PTPRD: variants seen among roughly 807,000 people sequenced by gnomAD.
PTPRD encodes protein tyrosine phosphatase receptor type D, also known as receptor-type tyrosine-protein phosphatase delta.
Under a neutral mutation model 214.5 loss-of-function variants are expected in PTPRD, and 34 were observed. The observed-to-expected ratio is 0.16, with a 90% CI of 0.12 to 0.21. The LOEUF is 0.21. Among genes scored for constraint, PTPRD ranks in the 10% least tolerant of loss-of-function variants. The pLI, the probability that PTPRD is intolerant of heterozygous loss-of-function variation, is 1.00. For synonymous variants in PTPRD, 1,128 were observed against 845.7 expected, an observed-to-expected ratio of 1.33 and a Z score of -5.79; for missense variants, 2,545 against 2,398.7, an observed-to-expected ratio of 1.06 and a Z score of -1.27.
chr9:8,634,700 T>C (rs2096372790), intron 13 of PTPRD, among the ~76,000 whole-genome samples: 1 of 152,068 alleles, frequency 6.6e-6, no homozygotes, highest in African/African-American at 2.4e-5. Flanking sequence ...AAGCATTCCA[T>C]AATTTTAAAA....
chr9:8,523,582 A>G, intron 18 of PTPRD, 58 bp from the exon 19 acceptor site: 1 of 1,598,980 alleles, frequency 6.3e-7, no homozygotes, highest in Non-Finnish European at 8.6e-7. Flanking sequence ...GGAGAAAAAC[A>G]AGGGAAACAC....
chr9:9,377,711 C>T (rs961388025), intron 9 of PTPRD, among the ~76,000 whole-genome samples: 2 of 151,846 alleles, frequency 1.3e-5, no homozygotes, highest in Admixed American at 6.6e-5. Flanking sequence ...CCCAGTTAAG[C>T]GGAAAAATGT....
intron 9 of PTPRD, among the ~76,000 whole-genome samples, chr9:9,188,175 T>G (rs555339318): frequency 1.4e-4 from 21 of 152,226 alleles, no homozygotes; most frequent in African/African-American, 5.1e-4. Flanking sequence ...GTTATTTTTG[T>G]GTCTGCCTTC....
At position 9,440,332 on chromosome 9, in the gene PTPRD, G is replaced by A. The variant is rs552488566; in HGVS notation, c.-236-42850C>T. 9.2e-5 allele frequency among the ~76,000 whole-genome samples: 14 copies of A among 151,998 alleles called. No individual in the cohort carries two copies. In the East Asian group the frequency reaches 9.7e-4, roughly 11 times the overall value. On this transcript the variant is annotated intron_variant, in intron 8 of 45. Coordinates refer to ENST00000381196, the MANE Select transcript of PTPRD (RefSeq NM_002839.4). The stretch of plus-strand genomic sequence containing the variant: ...CTTTGGTTTGTCCATTTGCTTTGTC[G>A]TGGTTTGTACTTGTTTTCTTCTTCA...
At chr9:10,295,258 C>G (rs2095642272) in intron 3 of PTPRD, among the ~76,000 whole-genome samples, 1 of 151,918 alleles carries the variant, frequency 6.6e-6, no homozygotes, top group Non-Finnish European at 1.5e-5. Flanking sequence ...TCGGTTAACA[C>G]CAATTAAAGA....
chr9:8,656,895 A>G lies in PTPRD; in HGVS notation c.65-20051T>C, dbSNP rs534235284. Among the ~76,000 whole-genome samples, 401 of 152,326 alleles carry G rather than the reference A, an allele frequency of 2.6e-3. 1 individual carries two copies. Among genetic ancestry groups the G allele is most frequent in the African/African-American group, 9.2e-3 (383 of 41,572 alleles). ...GTGTTACAACCTGTCACTGTACAAG[A>G]AAACTGGAACACCCTGAAATCACAT... On this transcript the variant is annotated intron_variant, in intron 12 of 45. Coordinates refer to ENST00000381196, the MANE Select transcript of PTPRD (RefSeq NM_002839.4).
intron 9 of PTPRD, among the ~76,000 whole-genome samples, chr9:9,370,088 A>T (rs572442058): frequency 3.0e-4 from 46 of 152,200 alleles, no homozygotes; most frequent in South Asian, 1.2e-3. Flanking sequence ...TGACTTGGCG[A>T]TGCGGGCTCT....
chr9:9,876,003 T>C (rs987291254), intron 5 of PTPRD, among the ~76,000 whole-genome samples: 3 of 152,058 alleles, frequency 2.0e-5, no homozygotes, highest in Non-Finnish European at 4.4e-5. Context: ...CCTGGTGAGT[T>C]TGCAGGTGCT....
At chr9:8,774,314 T>C (rs1001003482) in intron 11 of PTPRD, among the ~76,000 whole-genome samples, 25 of 152,110 alleles carry the variant, frequency 1.6e-4, no homozygotes, top group Non-Finnish European at 3.1e-4. Flanking sequence ...TTGAATAACA[T>C]ATTATTTAAT....
chr9:10,212,820 T>C (rs1446279773), intron 3 of PTPRD, among the ~76,000 whole-genome samples: 1 of 152,184 alleles, frequency 6.6e-6, no homozygotes, highest in Non-Finnish European at 1.5e-5. Flanking sequence ...AGGAGCCTAC[T>C]TTTGTAACCT....
At chr9:9,173,465 G>A (rs2099922720) in intron 10 of PTPRD, among the ~76,000 whole-genome samples, 1 of 152,074 alleles carries the variant, frequency 6.6e-6, no homozygotes, top group South Asian at 2.1e-4. Flanking sequence ...ACATCATTGT[G>A]CAAACATCAT....
chr9:9,268,214 C>T (rs546151009), intron 9 of PTPRD, among the ~76,000 whole-genome samples: 1 of 150,972 alleles, frequency 6.6e-6, no homozygotes, highest in Non-Finnish European at 1.5e-5. Context: ...TTTCTGTATA[C>T]TAAGAATGAA....
chr9:9,018,007 A>G (rs748067316), intron 11 of PTPRD, among the ~76,000 whole-genome samples: 3 of 152,134 alleles, frequency 2.0e-5, no homozygotes, highest in Non-Finnish European at 4.4e-5. Flanking sequence ...GTGCAAGTAT[A>G]TGTAATCTAT....
intron 8 of PTPRD, among the ~76,000 whole-genome samples, chr9:9,535,712 C>T (rs189189797): frequency 1.3e-5 from 2 of 152,014 alleles, no homozygotes; most frequent in East Asian, 1.9e-4. Flanking sequence ...TGTGAGCTCA[C>T]GTTAAAGGGC....
intron 9 of PTPRD, among the ~76,000 whole-genome samples, chr9:9,251,781 A>G (rs1358950699): frequency 5.3e-5 from 8 of 152,122 alleles, no homozygotes; most frequent in Admixed American, 5.2e-4. Flanking sequence ...GTTTAAATAA[A>G]AGAATGATTT....
intron 3 of PTPRD, among the ~76,000 whole-genome samples, chr9:10,155,698 A>T (rs2099088423): frequency 6.6e-6 from 1 of 152,192 alleles, no homozygotes; most frequent in African/African-American, 2.4e-5. Context: ...ATCTATTGAG[A>T]TAAGTATGTG....
At chr9:8,858,107 CTCCTCT>C (rs1297816487) in intron 11 of PTPRD, 2 of 164,498 alleles carry the variant, frequency 1.2e-5, no homozygotes, top group Non-Finnish European at 2.6e-5. Flanking sequence ...CCTCCTCCTC[CTCCTCT>C]TCCTCCTCCT....
chr9:10,309,331 C>T (rs1224585158), intron 3 of PTPRD, among the ~76,000 whole-genome samples: 1 of 151,554 alleles, frequency 6.6e-6, no homozygotes, highest in East Asian at 1.9e-4. Flanking sequence ...TGATTTCTTT[C>T]TTCCTTTTGT....
chr9:10,170,305 T>C (rs929467769), intron 3 of PTPRD, among the ~76,000 whole-genome samples: 2 of 152,178 alleles, frequency 1.3e-5, no homozygotes, highest in African/African-American at 2.4e-5. Context: ...TCCCTTCTGA[T>C]GGGCATATTT....
Sources: gnomAD v4.1 joint callset for allele counts (sites outside exome capture counted in the v4.1 genomes callset) on GRCh38, gnomAD v4.1.1 for gene constraint, MANE v1.5 for transcripts, NCBI Gene and HGNC (gene_info 2026-07-23, HGNC 2026-07-21) for gene names.